The following SNTA1 variants were observed in gnomAD, a reference collection of about 807,000 sequenced individuals.
SNTA1 encodes syntrophin alpha 1.
SNTA1 carries 31 observed loss-of-function variants against 47.1 expected under a neutral mutation model. The ratio of observed to expected loss-of-function variants is 0.66; its 90% CI spans 0.49 to 0.89. The LOEUF is 0.89. SNTA1 is among the 40% of genes least tolerant of loss of function. SNTA1 has a pLI of 0.00. For synonymous variants in SNTA1, 300 were observed against 313.6 expected (o/e 0.96, Z 0.46); for missense variants, 575 against 693.0 (o/e 0.83, Z 1.91).
At chr20:33,419,947 A>G (rs1056323440) in intron 2 of SNTA1, among the ~76,000 whole-genome samples, 2 of 151,414 alleles carry the variant, frequency 1.3e-5, no homozygotes, top group Non-Finnish European at 2.9e-5. Flanking sequence ...TTTTTGTGAC[A>G]GAGTCTCACT....
At chr20:33,409,875 C>T (rs1235588598) in intron 6 of SNTA1, among the ~76,000 whole-genome samples, 1 of 152,178 alleles carries the variant, frequency 6.6e-6, no homozygotes, top group Non-Finnish European at 1.5e-5. Flanking sequence ...AAGTGATCCA[C>T]CCGCCTCAGC....
intron 2 of SNTA1, among the ~76,000 whole-genome samples, chr20:33,426,367 C>T (rs1990169000): frequency 6.6e-6 from 1 of 150,792 alleles, no homozygotes; most frequent in Non-Finnish European, 1.5e-5. Context: ...AGGAGAATCG[C>T]TTGAACTCAG....
intron 1 of SNTA1, among the ~76,000 whole-genome samples, chr20:33,442,734 A>G (rs943114564): frequency 1.3e-5 from 2 of 152,074 alleles, no homozygotes; most frequent in Non-Finnish European, 2.9e-5. Flanking sequence ...CAAGGTGGAG[A>G]TAGTCAGATC....
At position 33,423,521 on chromosome 20, in the gene SNTA1, C is replaced by T. The variant is rs957409351; in HGVS notation, c.497-5598G>A. Among the ~76,000 whole-genome samples the T allele has an allele frequency of 7.9e-5, 12 of 152,334 alleles. No individual in the cohort carries two copies. The East Asian group carries it at 1.7e-3, about 22-fold the overall frequency. On this transcript the variant is annotated intron_variant, in intron 2 of 7. Coordinates refer to ENST00000217381, the MANE Select transcript of SNTA1 (RefSeq NM_003098.3). The stretch of plus-strand genomic sequence containing the variant: ...CCTGGGAGCCTGATAAGCAGTGACA[C>T]ATGGGCCCTTCCTCCTCAGGGAAGC...
intron 2 of SNTA1, 87 bp from the exon 3 acceptor site, chr20:33,418,010 T>C (rs965160046): frequency 3.4e-6 from 3 of 891,744 alleles, no homozygotes; most frequent in African/African-American, 3.3e-5. Context: ...AAGAGTTTAA[T>C]TTACGTGTCA....
At position 33,443,628 on chromosome 20, in the gene SNTA1, TC is replaced by T; in HGVS notation, c.-9del. The stretch of plus-strand genomic sequence containing the variant: ...GCGCCTGCCGGACGCCATCTTCGCC[TC>T]CGAGCCCCCGGGCCGCCGCGCTCGC... On this transcript the variant is annotated 5_prime_UTR_variant, in exon 1 of 8. Coordinates refer to ENST00000217381, the MANE Select transcript of SNTA1 (RefSeq NM_003098.3). 8.3e-7 allele frequency: 1 copy of T among 1,210,876 alleles called. No homozygotes were observed. The highest frequency in any genetic ancestry group is 3.0e-5 in the South Asian group (1 of 33,840). 75.0% of individuals were successfully genotyped at this position (1,210,876 alleles called of 1,614,324 possible).
At chr20:33,422,453 A>G (rs1283312816) in intron 2 of SNTA1, among the ~76,000 whole-genome samples, 1 of 144,824 alleles carries the variant, frequency 6.9e-6, no homozygotes, top group Non-Finnish European at 1.5e-5. Flanking sequence ...AAAAAAAAAG[A>G]AAAGAAAAAG....
rs1022775914 is a variant in SNTA1 at position 33,439,535 on chromosome 20, G to A, written c.311-509C>T. Among the ~76,000 whole-genome samples the A allele has an allele frequency of 2.2e-4, 33 of 152,178 alleles. 1 individual carries two copies. The highest frequency in any genetic ancestry group is 4.4e-5 in the Non-Finnish European group (3 of 68,042). On this transcript the variant is annotated intron_variant, in intron 1 of 7. Transcript: ENST00000217381. ...ATAAATCATTTTCAAAATTCATAATGCTATAGTTTGATCCCTGGATCTTTT... is the reference window on the plus strand; with the variant it reads ...ATAAATCATTTTCAAAATTCATAATACTATAGTTTGATCCCTGGATCTTTT...
chr20:33,414,927 T>C (rs1989836365), intron 3 of SNTA1, among the ~76,000 whole-genome samples: 1 of 152,206 alleles, frequency 6.6e-6, no homozygotes, highest in African/African-American at 2.4e-5. Flanking sequence ...CATTGCTTGT[T>C]GGAGTTTCTG....
chr20:33,417,890 T>C lies in SNTA1; in HGVS notation c.530A>G (p.Lys177Arg). Reference protein sequence around the residue: ...KYMKDVSPYFKNSTGGTSVGW... With the variant: ...KYMKDVSPYFRNSTGGTSVGW... ...GACCGAGGTCCCACCAGTAGAGTTCTTGAAATACGGTGAGACGTCCTTCAT... is the reference window on the plus strand; with the variant it reads ...GACCGAGGTCCCACCAGTAGAGTTCCTGAAATACGGTGAGACGTCCTTCAT... Residue 177 changes from lysine (K) to arginine (R), a missense_variant, in exon 3 of 8, where the codon AAG becomes AGG. Coordinates refer to ENST00000217381, the MANE Select transcript of SNTA1 (RefSeq NM_003098.3). 1.2e-6 allele frequency: 2 copies of C among 1,614,030 alleles called. No individual in the cohort carries two copies. Among genetic ancestry groups the C allele is most frequent in the Non-Finnish European group, 1.7e-6 (2 of 1,179,882 alleles).
intron 2 of SNTA1, among the ~76,000 whole-genome samples, chr20:33,423,172 C>T (rs1194963079): frequency 2.0e-5 from 3 of 152,220 alleles, no homozygotes; most frequent in Non-Finnish European, 4.4e-5. Flanking sequence ...ATCTGGGTCC[C>T]CCTCCTTTCC....
intron 3 of SNTA1, among the ~76,000 whole-genome samples, chr20:33,415,491 G>T (rs1031576165): frequency 6.6e-6 from 1 of 152,060 alleles, no homozygotes; most frequent in East Asian, 1.9e-4. Flanking sequence ...CCTGTCTCTA[G>T]TAAAAATACA....
chr20:33,421,626 TA>T (rs1035663158), intron 2 of SNTA1, among the ~76,000 whole-genome samples: 3 of 145,030 alleles, frequency 2.1e-5, no homozygotes, highest in Non-Finnish European at 4.5e-5. Flanking sequence ...AAAATAATAA[TA>T]AAAATAAAAA....
At chr20:33,430,673 C>T (rs542393637) in intron 2 of SNTA1, among the ~76,000 whole-genome samples, 5 of 151,900 alleles carry the variant, frequency 3.3e-5, no homozygotes, top group South Asian at 2.1e-4. Context: ...TTTCGCCGGG[C>T]GCAGTGGCTC....
At chr20:33,417,594 T>A (rs2146772280) in intron 3 of SNTA1, 125 bp downstream of exon 3, 1 of 727,328 alleles carries the variant, frequency 1.4e-6, no homozygotes, top group Non-Finnish European at 2.4e-6. Flanking sequence ...ATCTATTTTT[T>A]AAGCACCTAC....
chr20:33,411,387 C>T (rs1369548388), intron 5 of SNTA1, among the ~76,000 whole-genome samples: 1 of 152,120 alleles, frequency 6.6e-6, no homozygotes, highest in East Asian at 1.9e-4. Flanking sequence ...CGGACCCCTC[C>T]TTCACCCGCC....
chr20:33,417,944 C>T, intron 2 of SNTA1, 21 bp from the exon 3 acceptor site: 1 of 1,535,408 alleles, frequency 6.5e-7, no homozygotes, highest in East Asian at 2.3e-5. Flanking sequence ...GAGACATCAG[C>T]AGTCACCACT....
At chr20:33,420,866 C>A (rs1488503311) in intron 2 of SNTA1, among the ~76,000 whole-genome samples, 1 of 151,872 alleles carries the variant, frequency 6.6e-6, no homozygotes, top group Non-Finnish European at 1.5e-5. Context: ...CACCTGTAAT[C>A]CCAGCTACTT....
chr20:33,443,721 G>A lies in SNTA1; in HGVS notation c.-101C>T, dbSNP rs1429743647. ...GGCAGAGGGCAGCGGGGGCCCGGCT[G>A]GGCCAGCCGCCACCCTACCCCGGCC... is the stretch of plus-strand genomic sequence containing the variant. On this transcript the variant is annotated 5_prime_UTR_variant, in exon 1 of 8. Coordinates refer to ENST00000217381, the MANE Select transcript of SNTA1 (RefSeq NM_003098.3). The A allele has an allele frequency of 2.3e-5, 17 of 734,376 alleles. No individual in the cohort carries two copies. Among genetic ancestry groups the A allele is most frequent in the Non-Finnish European group, 5.3e-6 (3 of 570,392 alleles). The allele number at this position is 734,376 out of a possible 1,614,324, so 45.5% of individuals were successfully genotyped here. A position where few individuals can be genotyped will look rare whatever the true frequency, so the allele number is the denominator to read the frequency against.
Sources: gnomAD v4.1 joint callset for allele counts (sites outside exome capture counted in the v4.1 genomes callset) on GRCh38, gnomAD v4.1.1 for gene constraint, MANE v1.5 for transcripts, NCBI Gene and HGNC (gene_info 2026-07-23, HGNC 2026-07-21) for gene names.